Variants in MAGI2 observed in about 807,000 individuals in gnomAD.
MAGI2 encodes membrane associated guanylate kinase, WW and PDZ domain containing 2, also known as membrane-associated guanylate kinase, WW and PDZ domain-containing protein 2.
MAGI2 carries 35 observed loss-of-function variants against 133.3 expected under a neutral mutation model. That is an observed-to-expected ratio of 0.26 (90% CI 0.20 to 0.35). MAGI2 has a LOEUF of 0.35. Ranked by LOEUF, MAGI2 falls within the 10% of genes least tolerant of loss-of-function variation. The pLI, the probability that MAGI2 is intolerant of heterozygous loss-of-function variation, is 1.00. For synonymous variants in MAGI2, 729 were observed against 710.6 expected, an observed-to-expected ratio of 1.03 and a Z score of -0.41; for missense variants, 1,636 against 1,863.4, an observed-to-expected ratio of 0.88 and a Z score of 2.25.
intron 6 of MAGI2, among the ~76,000 whole-genome samples, chr7:78,470,318 T>C (rs1436217595): frequency 6.6e-6 from 1 of 152,112 alleles, no homozygotes; most frequent in African/African-American, 2.4e-5. Context: ...CCATTAACAA[T>C]GGAAACTATG....
intron 2 of MAGI2, among the ~76,000 whole-genome samples, chr7:78,749,243 T>A (rs1055299856): frequency 1.3e-5 from 2 of 152,104 alleles, no homozygotes; most frequent in Non-Finnish European, 2.9e-5. Flanking sequence ...TTTACATACA[T>A]GGAGTTCAGG....
intron 21 of MAGI2, among the ~76,000 whole-genome samples, chr7:78,070,277 C>T (rs939577781): frequency 5.5e-5 from 8 of 146,162 alleles, no homozygotes; most frequent in South Asian, 2.2e-4. Context: ...TTTTCTATTA[C>T]GCAGTGGAAG....
intron 3 of MAGI2, among the ~76,000 whole-genome samples, chr7:78,562,938 T>C (rs1383752597): frequency 2.0e-5 from 3 of 151,984 alleles, no homozygotes; most frequent in Non-Finnish European, 4.4e-5. Context: ...TAATTATGTA[T>C]GAAAATACAT....
At chr7:79,253,943 T>C (rs1833504580) in intron 1 of MAGI2, among the ~76,000 whole-genome samples, 1 of 151,968 alleles carries the variant, frequency 6.6e-6, no homozygotes, top group Admixed American at 6.6e-5. Context: ...TAAAGATATT[T>C]ATCATTCCAG....
intron 9 of MAGI2, among the ~76,000 whole-genome samples, chr7:78,323,579 G>A (rs866092851): frequency 3.9e-5 from 6 of 152,152 alleles, no homozygotes; most frequent in Middle Eastern, 3.2e-3. Context: ...TTGGAATCCT[G>A]CTTCATTACG....
chr7:78,938,118 C>T (rs917568365), intron 2 of MAGI2, among the ~76,000 whole-genome samples: 2 of 151,632 alleles, frequency 1.3e-5, no homozygotes, highest in Non-Finnish European at 2.9e-5. Flanking sequence ...CAACAAAAGT[C>T]GGGGAAAAAT....
intron 1 of MAGI2, among the ~76,000 whole-genome samples, chr7:79,148,414 C>A (rs952077481): frequency 1.3e-5 from 2 of 152,178 alleles, no homozygotes. Flanking sequence ...GGTGATCTGC[C>A]TAACTATTTC....
rs201004902 is a variant in MAGI2, at chr7:78,812,586, A to G, written c.419-185347T>C. Among the ~76,000 whole-genome samples the G allele has an allele frequency of 7.3e-3, 1,095 of 149,432 alleles. 41 individuals carry two copies. The highest frequency in any genetic ancestry group is 0.051 in the Admixed American group (765 of 14,998). On this transcript the variant is annotated intron_variant, in intron 2 of 21. Transcript: ENST00000354212. Reference sequence around the variant, plus strand: ...GTTATCTACCTACATATATGTATGTATGTGTGTGTGTGTGTGTGTGTGTGT... The same window carrying G: ...GTTATCTACCTACATATATGTATGTGTGTGTGTGTGTGTGTGTGTGTGTGT...
At chr7:78,328,595 T>C (rs1788849504) in intron 9 of MAGI2, among the ~76,000 whole-genome samples, 1 of 150,332 alleles carries the variant, frequency 6.7e-6, no homozygotes, top group African/African-American at 2.4e-5. Flanking sequence ...TATATCCCAA[T>C]CCTGGATCAC....
At chr7:79,195,148 G>T (rs182716747) in intron 1 of MAGI2, among the ~76,000 whole-genome samples, 1 of 151,890 alleles carries the variant, frequency 6.6e-6, no homozygotes, top group East Asian at 1.9e-4. Flanking sequence ...ACAAAGAGAC[G>T]ATGTGGTCAC....
At chr7:78,757,992 T>C (rs771110444) in intron 2 of MAGI2, among the ~76,000 whole-genome samples, 1 of 152,186 alleles carries the variant, frequency 6.6e-6, no homozygotes, top group Non-Finnish European at 1.5e-5. Flanking sequence ...GCATATTCTA[T>C]CAAAGGTTTC....
chr7:78,933,770 C>CAAT (rs1441745400), intron 2 of MAGI2, among the ~76,000 whole-genome samples: 1 of 151,962 alleles, frequency 6.6e-6, no homozygotes, highest in African/African-American at 2.4e-5. Context: ...CATAAGAGAA[C>CAAT]AATAAATCAT....
At chr7:78,254,158 G>T (rs1052507170) in intron 10 of MAGI2, 13 of 152,080 alleles carry the variant, frequency 8.5e-5, no homozygotes, top group African/African-American at 1.7e-4. Context: ...GTGAGAATGG[G>T]GTAGCCAAGC....
At chr7:79,320,055 T>C (rs1326419705) in intron 1 of MAGI2, among the ~76,000 whole-genome samples, 1 of 152,144 alleles carries the variant, frequency 6.6e-6, no homozygotes, top group Non-Finnish European at 1.5e-5. Flanking sequence ...GGAAATTCAG[T>C]GGTATGTCTT....
At chr7:78,785,562 GTTATTTGTTT>G in intron 2 of MAGI2, among the ~76,000 whole-genome samples, 1 of 152,148 alleles carries the variant, frequency 6.6e-6, no homozygotes, top group Non-Finnish European at 1.5e-5. Flanking sequence ...TTGGAACTCT[GTTATTTGTTT>G]CCTTTTTTGG....
chr7:79,288,552 A>C (rs1348248102), intron 1 of MAGI2, among the ~76,000 whole-genome samples: 1 of 152,146 alleles, frequency 6.6e-6, no homozygotes, highest in African/African-American at 2.4e-5. Flanking sequence ...ATTTCTGCAC[A>C]TACCTTTCAA....
chr7:79,023,852 A>G (rs191311771), intron 1 of MAGI2, among the ~76,000 whole-genome samples: 10 of 152,342 alleles, frequency 6.6e-5, no homozygotes, highest in African/African-American at 2.4e-4. Context: ...AAACAAATGG[A>G]AAAATATTCC....
intron 2 of MAGI2, among the ~76,000 whole-genome samples, chr7:78,821,202 A>T (rs1790071395): frequency 2.6e-5 from 4 of 152,058 alleles, no homozygotes. Flanking sequence ...CAGGGAGAGT[A>T]CTATGAGATA....
At chr7:79,398,513 C>A (rs1845219071) in intron 1 of MAGI2, among the ~76,000 whole-genome samples, 1 of 152,140 alleles carries the variant, frequency 6.6e-6, no homozygotes, top group African/African-American at 2.4e-5. Context: ...TAAAAAGCAG[C>A]CAAGAATAAT....
Sources: gnomAD v4.1 joint callset for allele counts (sites outside exome capture counted in the v4.1 genomes callset) on GRCh38, gnomAD v4.1.1 for gene constraint, MANE v1.5 for transcripts, NCBI Gene and HGNC (gene_info 2026-07-23, HGNC 2026-07-21) for gene names.